The following CCSER1 variants were observed in gnomAD, a reference collection of about 807,000 sequenced individuals.
CCSER1 encodes the protein serine-rich coiled-coil domain-containing protein 1.
In CCSER1, 41 loss-of-function variants were observed where a neutral mutation model predicts 82.0. The ratio of observed to expected loss-of-function variants is 0.50; its 90% CI spans 0.39 to 0.65. CCSER1 has a LOEUF of 0.65. Ranked by LOEUF, CCSER1 falls within the 30% of genes least tolerant of loss-of-function variation. The pLI is 0.00. For synonymous variants in CCSER1, 414 were observed against 383.9 expected (o/e 1.08, Z -0.92); for missense variants, 1,119 against 1,064.2 (o/e 1.05, Z -0.72).
At chr4:91,232,363 TTATATC>T (rs539293314) in intron 10 of CCSER1, among the ~76,000 whole-genome samples, 173 of 151,924 alleles carry the variant, frequency 1.1e-3, no homozygotes, top group Non-Finnish European at 1.9e-3. Flanking sequence ...CAAATTGTGT[TTATATC>T]TATACAGTAG....
At chr4:91,158,364 G>T (rs186958155) in intron 10 of CCSER1, among the ~76,000 whole-genome samples, 213 of 152,016 alleles carry the variant, frequency 1.4e-3, no homozygotes, top group African/African-American at 4.9e-3. Context: ...CAAGGGAAAA[G>T]GATTATAGCC....
chr4:90,435,912 A>G (rs1758936906), intron 4 of CCSER1, among the ~76,000 whole-genome samples: 1 of 151,900 alleles, frequency 6.6e-6, no homozygotes, highest in African/African-American at 2.4e-5. Flanking sequence ...TAAATTGTTT[A>G]TGGACTATAA....
chr4:91,020,117 A>G (rs1306785096), intron 9 of CCSER1, among the ~76,000 whole-genome samples: 1 of 152,210 alleles, frequency 6.6e-6, no homozygotes, highest in Non-Finnish European at 1.5e-5. Flanking sequence ...AGCCAAGACA[A>G]AAAATTAATA....
chr4:91,355,699 G>C (rs1056923053), intron 10 of CCSER1, among the ~76,000 whole-genome samples: 1 of 152,198 alleles, frequency 6.6e-6, no homozygotes, highest in Non-Finnish European at 1.5e-5. Context: ...GCGTGGACCA[G>C]TCAGCTTCCG....
intron 1 of CCSER1, among the ~76,000 whole-genome samples, chr4:90,212,686 A>C (rs1186802669): frequency 1.3e-5 from 2 of 152,210 alleles, no homozygotes; most frequent in Non-Finnish European, 2.9e-5. Flanking sequence ...AAGAGTATAG[A>C]TATATTGTAT....
At chr4:90,539,184 A>T (rs1306669556) in intron 5 of CCSER1, among the ~76,000 whole-genome samples, 1 of 152,056 alleles carries the variant, frequency 6.6e-6, no homozygotes, top group Non-Finnish European at 1.5e-5. Flanking sequence ...GCTTTCTTTT[A>T]TAATCCTAGG....
chr4:90,491,448 C>T (rs1486921311), intron 5 of CCSER1, among the ~76,000 whole-genome samples: 1 of 152,172 alleles, frequency 6.6e-6, no homozygotes, highest in East Asian at 1.9e-4. Context: ...AATATACAAT[C>T]ATGTTGTCTG....
chr4:91,209,756 A>C (rs373436930), intron 10 of CCSER1, among the ~76,000 whole-genome samples: 16 of 151,664 alleles, frequency 1.1e-4, no homozygotes, highest in African/African-American at 3.6e-4. Flanking sequence ...TCAATTTCAG[A>C]GCTCATTATT....
intron 3 of CCSER1, among the ~76,000 whole-genome samples, chr4:90,383,461 A>T (rs115062214): frequency 6.6e-6 from 1 of 152,200 alleles, no homozygotes; most frequent in East Asian, 1.9e-4. Flanking sequence ...TTGGGAAGTC[A>T]TAAGGAAAGA....
intron 5 of CCSER1, among the ~76,000 whole-genome samples, chr4:90,526,506 C>T (rs1039129660): frequency 2.0e-5 from 3 of 152,064 alleles, no homozygotes; most frequent in African/African-American, 2.4e-5. Flanking sequence ...CCCATCAACC[C>T]GTCATCTACA....
chr4:91,487,343 G>C (rs972377798), intron 10 of CCSER1, among the ~76,000 whole-genome samples: 1 of 152,114 alleles, frequency 6.6e-6, no homozygotes, highest in African/African-American at 2.4e-5. Context: ...GGCATGCTTT[G>C]AACTCAGGGG....
At chr4:91,437,508 G>T (rs1487012117) in intron 10 of CCSER1, among the ~76,000 whole-genome samples, 1 of 152,226 alleles carries the variant, frequency 6.6e-6, no homozygotes, top group Non-Finnish European at 1.5e-5. Flanking sequence ...AGCCAAGATG[G>T]CCGAATAGGA....
At chr4:91,326,566 C>T (rs1202145879) in intron 10 of CCSER1, among the ~76,000 whole-genome samples, 1 of 152,118 alleles carries the variant, frequency 6.6e-6, no homozygotes, top group African/African-American at 2.4e-5. Flanking sequence ...ATTATTCTGC[C>T]CTTGGCCCCT....
intron 5 of CCSER1, among the ~76,000 whole-genome samples, chr4:90,612,497 T>G (rs921003640): frequency 6.6e-6 from 1 of 151,888 alleles, no homozygotes; most frequent in Admixed American, 6.6e-5. Context: ...GATAAACTTA[T>G]TAGATTTATG....
At chr4:91,242,024 CAA>C (rs1000337219) in intron 10 of CCSER1, among the ~76,000 whole-genome samples, 6 of 150,216 alleles carry the variant, frequency 4.0e-5, no homozygotes, top group African/African-American at 1.5e-4. Flanking sequence ...TGGTAAATGA[CAA>C]AAGAAAAACA....
intron 10 of CCSER1, among the ~76,000 whole-genome samples, chr4:91,197,491 A>G (rs1735539343): frequency 6.6e-6 from 1 of 152,132 alleles, no homozygotes; most frequent in Non-Finnish European, 1.5e-5. Flanking sequence ...TGTGCCTGAG[A>G]AACTGAATTT....
intron 8 of CCSER1, among the ~76,000 whole-genome samples, chr4:90,867,961 G>T (rs944295157): frequency 6.6e-6 from 1 of 152,040 alleles, no homozygotes; most frequent in African/African-American, 2.4e-5. Flanking sequence ...TGGACAATTA[G>T]ATTGCCTCCA....
chr4:90,310,527 C>G (rs1054647922), intron 2 of CCSER1, among the ~76,000 whole-genome samples: 1 of 151,984 alleles, frequency 6.6e-6, no homozygotes, highest in Non-Finnish European at 1.5e-5. Context: ...TTATTATAAG[C>G]TATTTTGCAG....
chr4:91,275,715 T>C (rs1742376230), intron 10 of CCSER1, among the ~76,000 whole-genome samples: 1 of 152,190 alleles, frequency 6.6e-6, no homozygotes, highest in Non-Finnish European at 1.5e-5. Flanking sequence ...TTTGAGGTCT[T>C]AGCCATAAAA....
Sources: gnomAD v4.1 joint callset for allele counts (sites outside exome capture counted in the v4.1 genomes callset) on GRCh38, gnomAD v4.1.1 for gene constraint, MANE v1.5 for transcripts, NCBI Gene and HGNC (gene_info 2026-07-23, HGNC 2026-07-21) for gene names.